The following UBE2R2 variants were observed in gnomAD, a reference collection of about 807,000 sequenced individuals.
The protein encoded by UBE2R2 is ubiquitin-conjugating enzyme E2 R2.
UBE2R2 carries 1 observed loss-of-function variant against 27.8 expected under a neutral mutation model. The observed-to-expected ratio is 0.04, with a 90% CI of 0.01 to 0.17. The LOEUF is 0.17. UBE2R2 is among the 10% of genes least tolerant of loss of function. The pLI, the probability that UBE2R2 is intolerant of heterozygous loss-of-function variation, is 1.00. For synonymous variants in UBE2R2, 106 were observed against 113.3 expected (o/e 0.94, Z 0.41); for missense variants, 100 against 291.0 (o/e 0.34, Z 4.78).
At position 33,918,473 on chromosome 9, in the gene UBE2R2, T is replaced by C. The variant is rs1822711989; in HGVS notation, c.*1236T>C. The C allele has an allele frequency of 6.6e-6, 1 of 151,878 alleles. No individual in the cohort carries two copies. Among genetic ancestry groups the C allele is most frequent in the South Asian group, 2.1e-4 (1 of 4,812 alleles). 9.4% of individuals were successfully genotyped at this position (151,878 alleles called of 1,614,324 possible). ...GAAATTGTGGCAGGGCTGAGGGAGT[T>C]GACTGCAGGCAGTTTTTAGGCCAGA... On this transcript the variant is annotated 3_prime_UTR_variant, in exon 5 of 5. Transcript: ENST00000263228.
chr9:33,819,784 G>A (rs1170120085), intron 1 of UBE2R2, among the ~76,000 whole-genome samples: 1 of 152,066 alleles, frequency 6.6e-6, no homozygotes, highest in Non-Finnish European at 1.5e-5. Context: ...GACTACAGGC[G>A]CACGCCACCA....
chr9:33,861,486 G>A (rs1037222656), intron 1 of UBE2R2, among the ~76,000 whole-genome samples: 4 of 151,886 alleles, frequency 2.6e-5, no homozygotes, highest in Non-Finnish European at 5.9e-5. Context: ...TGAGGCACAC[G>A]AATCTCTTGA....
At chr9:33,834,376 T>C (rs1820566498) in intron 1 of UBE2R2, among the ~76,000 whole-genome samples, 3 of 151,786 alleles carry the variant, frequency 2.0e-5, no homozygotes, top group East Asian at 3.9e-4. Context: ...CTCACCCAGC[T>C]GATTTTTTGT....
chr9:33,896,713 C>G (rs575252933), intron 2 of UBE2R2, among the ~76,000 whole-genome samples: 1 of 151,260 alleles, frequency 6.6e-6, no homozygotes, highest in Non-Finnish European at 1.5e-5. Flanking sequence ...CTTCCAAAGT[C>G]CTGGGGTTAC....
At chr9:33,821,182 T>C (rs1825975779) in intron 1 of UBE2R2, among the ~76,000 whole-genome samples, 1 of 152,206 alleles carries the variant, frequency 6.6e-6, no homozygotes, top group African/African-American at 2.4e-5. Flanking sequence ...TTTCAGGGTC[T>C]TTCTCTGTCA....
At chr9:33,887,040 C>G (rs1821875558) in intron 2 of UBE2R2, 73 bp downstream of exon 2, 2 of 1,235,570 alleles carry the variant, frequency 1.6e-6, no homozygotes, top group Non-Finnish European at 2.3e-6. Flanking sequence ...TAGCCTATCT[C>G]AGCACACTTT....
intron 1 of UBE2R2, among the ~76,000 whole-genome samples, chr9:33,834,635 G>A (rs10971728): frequency 1.3e-5 from 2 of 151,754 alleles, no homozygotes; most frequent in Non-Finnish European, 2.9e-5. Context: ...TATAGACCTC[G>A]CACGGTGGCT....
intron 1 of UBE2R2, among the ~76,000 whole-genome samples, chr9:33,884,294 T>A (rs1238209825): frequency 6.9e-6 from 1 of 145,344 alleles, no homozygotes; most frequent in Non-Finnish European, 1.5e-5. Context: ...TCTTTCTTTT[T>A]TTTTTTTTGA....
At chr9:33,822,678 G>A (rs1343946956) in intron 1 of UBE2R2, among the ~76,000 whole-genome samples, 2 of 151,608 alleles carry the variant, frequency 1.3e-5, no homozygotes, top group Non-Finnish European at 2.9e-5. Flanking sequence ...TCCCACCTTG[G>A]CCTCCCAAAG....
chr9:33,847,282 A>G, intron 1 of UBE2R2, among the ~76,000 whole-genome samples: 1 of 151,912 alleles, frequency 6.6e-6, no homozygotes, highest in African/African-American at 2.4e-5. Context: ...TTTTTAGTGG[A>G]GGTGGGGTTT....
At chr9:33,865,825 GTT>G (rs550873521) in intron 1 of UBE2R2, among the ~76,000 whole-genome samples, 1 of 143,158 alleles carries the variant, frequency 7.0e-6, no homozygotes, top group Non-Finnish European at 1.5e-5. Context: ...TTTTTTGTGT[GTT>G]TTTTTTTGTT....
chr9:33,845,391 C>T (rs561283852), intron 1 of UBE2R2, among the ~76,000 whole-genome samples: 56 of 151,680 alleles, frequency 3.7e-4, no homozygotes, highest in Non-Finnish European at 5.9e-4. Context: ...TGACTACAGG[C>T]GCCCGCCACC....
At position 33,817,240 on chromosome 9, in the gene UBE2R2, C is replaced by T. The variant is rs1382821617; in HGVS notation, c.-518C>T. Among the ~76,000 whole-genome samples the T allele has an allele frequency of 6.7e-6, 1 of 149,184 alleles. No homozygotes were observed. Among genetic ancestry groups the T allele is most frequent in the Non-Finnish European group, 1.5e-5 (1 of 66,912 alleles). ...CGCCGTCGCCCCTCCCCCCGCGCAG[C>T]CCCCGCCGCCACCGCCGCGAGACCC... is the stretch of plus-strand genomic sequence containing the variant. On this transcript the variant is annotated 5_prime_UTR_variant, in exon 1 of 5. Coordinates refer to ENST00000263228, the MANE Select transcript of UBE2R2 (RefSeq NM_017811.4).
intron 4 of UBE2R2, 31 bp from the exon 5 acceptor site, chr9:33,916,987 G>A (rs747195558): frequency 3.7e-6 from 6 of 1,612,104 alleles, no homozygotes; most frequent in Admixed American, 1.7e-5. Context: ...AAGACTTACC[G>A]TAAACCATTT....
chr9:33,828,931 C>T (rs941138191), intron 1 of UBE2R2, among the ~76,000 whole-genome samples: 28 of 152,242 alleles, frequency 1.8e-4, no homozygotes, highest in African/African-American at 6.0e-4. Context: ...GATGGGGTTT[C>T]ACCCTGTTGG....
rs1282476710 is a variant in UBE2R2 at position 33,817,421 on chromosome 9, T to C, written c.-337T>C. 6.8e-6 allele frequency: 1 copy of C among 146,644 alleles called. No individual in the cohort carries two copies. The highest frequency in any genetic ancestry group is 1.5e-5 in the Non-Finnish European group (1 of 67,450). 9.1% of individuals were successfully genotyped at this position (146,644 alleles called of 1,614,324 possible). A position where few individuals can be genotyped will look rare whatever the true frequency, so the allele number is the denominator to read the frequency against. ...CGGCCCTCCGCCGCCTTCCTCCGCT[T>C]CCACCTCCTCTCCCCCCCCCCAAGT... On this transcript the variant is annotated 5_prime_UTR_variant, in exon 1 of 5. Transcript: ENST00000263228.
chr9:33,856,366 T>C (rs1191398709), intron 1 of UBE2R2, among the ~76,000 whole-genome samples: 5 of 152,216 alleles, frequency 3.3e-5, no homozygotes, highest in Admixed American at 1.3e-4. Flanking sequence ...TTTCTTGCTT[T>C]ACCTATTCCC....
At position 33,819,875 on chromosome 9, in the gene UBE2R2, G is replaced by A. The variant is rs979717253; in HGVS notation, c.177+1941G>A. On this transcript the variant is annotated intron_variant, in intron 1 of 4. Coordinates refer to ENST00000263228, the MANE Select transcript of UBE2R2 (RefSeq NM_017811.4). ...GCCGGTCTCGAACTCCAGACCCTGT[G>A]ATCAACCCGCCTCTGCCTCCCAAAG... 3.9e-5 allele frequency among the ~76,000 whole-genome samples: 6 copies of A among 152,302 alleles called. No individual in the cohort carries two copies. In the East Asian group the frequency reaches 5.8e-4, roughly 15 times the overall value.
At chr9:33,912,943 TTTTA>T (rs1309476464) in intron 4 of UBE2R2, among the ~76,000 whole-genome samples, 3 of 152,068 alleles carry the variant, frequency 2.0e-5, no homozygotes, top group African/African-American at 2.4e-5. Context: ...TCCACCTCTT[TTTTA>T]TTTGTTTCTA....
Sources: gnomAD v4.1 joint callset for allele counts (sites outside exome capture counted in the v4.1 genomes callset) on GRCh38, gnomAD v4.1.1 for gene constraint, MANE v1.5 for transcripts, NCBI Gene and HGNC (gene_info 2026-07-23, HGNC 2026-07-21) for gene names.